ZNF83: variants seen among roughly 807,000 people sequenced by gnomAD.
The protein encoded by ZNF83 is zinc finger protein 816B.
For missense variants in ZNF83, 552 were observed against 629.9 expected (o/e 0.88, Z 1.32); for synonymous variants, 209 against 213.0 (o/e 0.98, Z 0.17).
At chr19:52,618,690 CCTTG>C in intron 2 of ZNF83, 2 of 681,948 alleles carry the variant, frequency 2.9e-6, no homozygotes, top group Non-Finnish European at 4.5e-6. Flanking sequence ...AGTCACCACG[CCTTG>C]CCAGCCATAA....
intron 2 of ZNF83, among the ~76,000 whole-genome samples, chr19:52,659,082 G>T (rs914256493): frequency 5.3e-5 from 8 of 152,104 alleles, no homozygotes; most frequent in African/African-American, 1.9e-4. Flanking sequence ...GCCAGGGTCC[G>T]TGGGCAGACC....
intron 1 of ZNF83, among the ~76,000 whole-genome samples, chr19:52,677,255 T>C (rs1435554093): frequency 6.8e-6 from 1 of 147,874 alleles, no homozygotes; most frequent in African/African-American, 2.5e-5. Context: ...GGGCTGGAAG[T>C]TGGTGAGGGG....
chr19:52,624,941 C>T (rs772035040), intron 2 of ZNF83, among the ~76,000 whole-genome samples: 3 of 152,148 alleles, frequency 2.0e-5, no homozygotes, highest in Non-Finnish European at 4.4e-5. Flanking sequence ...ACCATTGTTC[C>T]TGGCCCAGAC....
chr19:52,664,229 C>T (rs2061616946), intron 1 of ZNF83, among the ~76,000 whole-genome samples: 1 of 150,128 alleles, frequency 6.7e-6, no homozygotes, highest in Non-Finnish European at 1.5e-5. Context: ...GGTGTGGTGG[C>T]TCATGCCTGT....
chr19:52,613,432 C>T (rs2060178724), exon 3 of ZNF83: 4 of 1,614,030 alleles, frequency 2.5e-6, no homozygotes, highest in Non-Finnish European at 3.4e-6. Flanking sequence ...TGCTTTGTCA[C>T]ATTCATCACA....
chr19:52,643,069 G>A (rs566476340), upstream of ZNF83, among the ~76,000 whole-genome samples: 3 of 152,260 alleles, frequency 2.0e-5, no homozygotes, highest in East Asian at 1.9e-4. Flanking sequence ...TAGGAGAATC[G>A]CTTTAACCTA....
intron 2 of ZNF83, among the ~76,000 whole-genome samples, chr19:52,626,748 A>C (rs944815272): frequency 2.0e-5 from 3 of 152,052 alleles, no homozygotes; most frequent in African/African-American, 7.2e-5. Context: ...AATTTTCCTT[A>C]AGGTGTCCAC....
intron 2 of ZNF83, among the ~76,000 whole-genome samples, chr19:52,657,606 G>C (rs2061522984): frequency 6.6e-6 from 1 of 152,184 alleles, no homozygotes; most frequent in South Asian, 2.1e-4. Flanking sequence ...CCAGCACTTT[G>C]GGATGCCAAG....
chr19:52,657,128 A>C (rs2061516943), intron 2 of ZNF83, among the ~76,000 whole-genome samples: 1 of 151,116 alleles, frequency 6.6e-6, no homozygotes, highest in African/African-American at 2.4e-5. Context: ...CCACCCTCCC[A>C]AAAGTTGGAA....
chr19:52,622,295 A>C (rs2060578703), intron 2 of ZNF83, among the ~76,000 whole-genome samples: 1 of 152,164 alleles, frequency 6.6e-6, no homozygotes, highest in Admixed American at 6.5e-5. Flanking sequence ...ATCAACACTT[A>C]GGCCCCTTCT....
intron 1 of ZNF83, among the ~76,000 whole-genome samples, chr19:52,667,224 G>GAAAA (rs34235519): frequency 1.2e-5 from 1 of 86,182 alleles, no homozygotes; most frequent in Admixed American, 1.4e-4. Context: ...TATCATCTTT[G>GAAAA]AAAAAAAAAA....
chr19:52,689,478 GCTCTGTC>G (rs2062107180), intron 1 of ZNF83, among the ~76,000 whole-genome samples: 1 of 151,942 alleles, frequency 6.6e-6, no homozygotes, highest in African/African-American at 2.4e-5. Flanking sequence ...GCACCACTCT[GCTCTGTC>G]TGCCCTGGCT....
At chr19:52,619,298 CAAAT>C (rs1462612980) in intron 2 of ZNF83, among the ~76,000 whole-genome samples, 2 of 152,032 alleles carry the variant, frequency 1.3e-5, no homozygotes, top group Admixed American at 6.6e-5. Flanking sequence ...AAGAAACACT[CAAAT>C]AAATAGATGC....
upstream of ZNF83, among the ~76,000 whole-genome samples, chr19:52,643,238 T>C (rs545194786): frequency 6.6e-6 from 1 of 151,792 alleles, no homozygotes; most frequent in Admixed American, 6.6e-5. Flanking sequence ...CCTGTAATCC[T>C]AGCTACTTGG....
chr19:52,660,141 G>A (rs112255191), intron 2 of ZNF83, among the ~76,000 whole-genome samples: 4,322 of 140,432 alleles, frequency 0.031, 205 homozygotes, highest in African/African-American at 0.099. Context: ...AATCATGGTG[G>A]TAAGACCACA....
At chr19:52,634,867 C>T (rs2061093487) in intron 2 of ZNF83, among the ~76,000 whole-genome samples, 199 bp downstream of exon 2, 1 of 152,136 alleles carries the variant, frequency 6.6e-6, no homozygotes, top group Admixed American at 6.5e-5. Flanking sequence ...CCCAGTGCAG[C>T]CTCTTCCCAA....
chr19:52,630,188 G>A (rs548543128), intron 2 of ZNF83, among the ~76,000 whole-genome samples: 3 of 152,144 alleles, frequency 2.0e-5, no homozygotes, highest in East Asian at 1.9e-4. Context: ...CCCCTGGAAC[G>A]CTGGCCCATG....
At chr19:52,623,957 C>T (rs2060641903) in intron 2 of ZNF83, among the ~76,000 whole-genome samples, 1 of 152,162 alleles carries the variant, frequency 6.6e-6, no homozygotes, top group Non-Finnish European at 1.5e-5. Flanking sequence ...CCCTCCACAA[C>T]TCACTATTCC....
intron 1 of ZNF83, chr19:52,636,824 T>TC (rs2061163593): frequency 6.6e-6 from 1 of 151,124 alleles, no homozygotes; most frequent in African/African-American, 2.4e-5. Context: ...CCCGGTTGTT[T>TC]TTTTTTTTTT....
Sources: allele counts gnomAD v4.1 joint callset (sites outside exome capture counted in the v4.1 genomes callset), GRCh38; gene constraint gnomAD v4.1.1; transcripts MANE v1.5; gene names NCBI Gene and HGNC (gene_info 2026-07-23, HGNC 2026-07-21).